FAF2: variants seen among roughly 807,000 people sequenced by gnomAD.
FAF2 encodes the protein Fas associated factor family member 2.
FAF2 carries 9 observed loss-of-function variants against 62.3 expected under a neutral mutation model. That is an observed-to-expected ratio of 0.14 (90% confidence interval 0.09 to 0.25). FAF2 has a LOEUF of 0.25. FAF2 is among the 10% of genes least tolerant of loss of function. The pLI is 1.00. For missense variants in FAF2, 368 were observed against 556.2 expected, an observed-to-expected ratio of 0.66 and a Z score of 3.40; for synonymous variants, 202 against 198.0, an observed-to-expected ratio of 1.02 and a Z score of -0.17.
chr5:176,500,271 G>A, intron 10 of FAF2, 125 bp downstream of exon 10: 2 of 943,450 alleles, frequency 2.1e-6, no homozygotes, highest in Non-Finnish European at 3.2e-6. Context: ...CAGAGAGAGA[G>A]AGAGAGAGAT....
chr5:176,482,234 T>C (rs1423686798), intron 2 of FAF2, among the ~76,000 whole-genome samples: 2 of 151,944 alleles, frequency 1.3e-5, no homozygotes, highest in African/African-American at 2.4e-5. Flanking sequence ...TTTTTTTTTT[T>C]TGAGATGAAG....
intron 10 of FAF2, among the ~76,000 whole-genome samples, chr5:176,504,455 G>A (rs191663651): frequency 1.5e-4 from 23 of 152,140 alleles, no homozygotes; most frequent in South Asian, 8.3e-4. Context: ...ATGGTGGTGC[G>A]CGCCTGTAGT....
chr5:176,492,007 A>C (rs1388862706), intron 4 of FAF2, among the ~76,000 whole-genome samples, 187 bp from the exon 5 acceptor site: 1 of 152,228 alleles, frequency 6.6e-6, no homozygotes, highest in Non-Finnish European at 1.5e-5. Context: ...AGGCAATAGA[A>C]TAACACTTGC....
chr5:176,503,035 G>A (rs924056226), intron 10 of FAF2, among the ~76,000 whole-genome samples: 3 of 151,476 alleles, frequency 2.0e-5, no homozygotes, highest in South Asian at 2.1e-4. Flanking sequence ...GCGACAGAGC[G>A]AGGCTGTGTC....
At chr5:176,460,813 A>T (rs1335279547) in intron 1 of FAF2, among the ~76,000 whole-genome samples, 5 of 151,934 alleles carry the variant, frequency 3.3e-5, no homozygotes, top group African/African-American at 1.2e-4. Context: ...TTCACCAGGC[A>T]TGGCGGTGTA....
intron 2 of FAF2, among the ~76,000 whole-genome samples, chr5:176,485,976 CACTGCATA>C (rs1225302144): frequency 6.6e-6 from 1 of 152,236 alleles, no homozygotes; most frequent in Non-Finnish European, 1.5e-5. Flanking sequence ...AGGACTGCTT[CACTGCATA>C]ACTCCAGGGG....
At chr5:176,491,559 A>G (rs942143285) in intron 4 of FAF2, among the ~76,000 whole-genome samples, 3 of 152,170 alleles carry the variant, frequency 2.0e-5, no homozygotes, top group Non-Finnish European at 4.4e-5. Flanking sequence ...TGTGAACTCA[A>G]TATTTAAAAT....
At position 176,508,655 on chromosome 5, in the gene FAF2, C is replaced by T. The variant is rs1428555503; in HGVS notation, c.*1705C>T. The T allele has an allele frequency of 6.6e-6, 1 of 152,198 alleles. No individual in the cohort carries two copies. Among genetic ancestry groups the T allele is most frequent in the Non-Finnish European group, 1.5e-5 (1 of 68,044 alleles). 9.4% of individuals were successfully genotyped at this position (152,198 alleles called of 1,614,324 possible). ...TCTCTAGGAAAATTTAATTCTGTCCCTGGCCAGCTATTGTTCTTCCACTTC... is the reference window on the plus strand; with the variant it reads ...TCTCTAGGAAAATTTAATTCTGTCCTTGGCCAGCTATTGTTCTTCCACTTC... On this transcript the variant is annotated 3_prime_UTR_variant, in exon 11 of 11. Coordinates refer to ENST00000261942, the MANE Select transcript of FAF2 (RefSeq NM_014613.3).
At chr5:176,480,390 T>C (rs1758767859) in intron 2 of FAF2, among the ~76,000 whole-genome samples, 1 of 152,072 alleles carries the variant, frequency 6.6e-6, no homozygotes, top group South Asian at 2.1e-4. Context: ...GGCATTATAT[T>C]AGTGAACAAA....
chr5:176,505,747 A>G (rs1195017615), intron 10 of FAF2, among the ~76,000 whole-genome samples: 1 of 152,210 alleles, frequency 6.6e-6, no homozygotes, highest in Non-Finnish European at 1.5e-5. Flanking sequence ...TTCGCTTAGA[A>G]TAATAGTCTC....
chr5:176,455,492 G>A (rs1001353736), intron 1 of FAF2, among the ~76,000 whole-genome samples: 3 of 151,682 alleles, frequency 2.0e-5, no homozygotes, highest in Admixed American at 6.6e-5. Context: ...GTGCACGCCT[G>A]TAATCCCAGC....
chr5:176,478,430 C>T (rs2913899), intron 1 of FAF2, among the ~76,000 whole-genome samples: 17,870 of 152,026 alleles, frequency 0.12, 1,326 homozygotes, highest in East Asian at 0.27. Flanking sequence ...AGTGAGCAGT[C>T]ATTGCGCTAT....
intron 4 of FAF2, among the ~76,000 whole-genome samples, chr5:176,490,944 G>A (rs1758962380): frequency 6.6e-6 from 1 of 152,214 alleles, no homozygotes; most frequent in Non-Finnish European, 1.5e-5. Flanking sequence ...ATTCCCCCAC[G>A]TATACAACTT....
At chr5:176,480,209 C>T (rs1758765350) in intron 2 of FAF2, among the ~76,000 whole-genome samples, 1 of 151,968 alleles carries the variant, frequency 6.6e-6, no homozygotes, top group African/African-American at 2.4e-5. Context: ...TTTGTCAAAA[C>T]ACCCTCTTGA....
Position 176,451,820 on chromosome 5 carries a change from A to C in FAF2, c.63+3350A>C. On this transcript the variant is annotated intron_variant, in intron 1 of 10. Transcript: ENST00000261942. ...TATACATATATATATACACACATAT[A>C]TATATATACATATATATATATACAC... Among the ~76,000 whole-genome samples the C allele has an allele frequency of 4.7e-5, 2 of 42,156 alleles. 1 individual carries two copies. The highest frequency in any genetic ancestry group is 1.9e-4 in the African/African-American group (2 of 10,762). 27.7% of individuals were successfully genotyped at this position (42,156 alleles called of 152,430 possible). A position where few individuals can be genotyped will look rare whatever the true frequency, so the allele number is the denominator to read the frequency against.
intron 4 of FAF2, among the ~76,000 whole-genome samples, chr5:176,489,932 C>T (rs551269567): frequency 2.0e-5 from 3 of 152,288 alleles, no homozygotes; most frequent in African/African-American, 7.2e-5. Flanking sequence ...TTGCTTCATA[C>T]CTTCACCTTT....
At chr5:176,474,430 T>C (rs1758624859) in intron 1 of FAF2, among the ~76,000 whole-genome samples, 1 of 151,118 alleles carries the variant, frequency 6.6e-6, no homozygotes, top group African/African-American at 2.5e-5. Flanking sequence ...AGACTTCATT[T>C]CCAAAGTTTC....
chr5:176,468,525 A>G (rs1758510006), intron 1 of FAF2, among the ~76,000 whole-genome samples: 1 of 152,184 alleles, frequency 6.6e-6, no homozygotes, highest in African/African-American at 2.4e-5. Flanking sequence ...CGCAGCTTGC[A>G]GTGAGCCGAG....
At chr5:176,462,075 G>A (rs1758388451) in intron 1 of FAF2, among the ~76,000 whole-genome samples, 1 of 152,094 alleles carries the variant, frequency 6.6e-6, no homozygotes, top group Non-Finnish European at 1.5e-5. Flanking sequence ...TCAGGAATTC[G>A]AGACCAGCCT....
Sources: allele counts gnomAD v4.1 joint callset (sites outside exome capture counted in the v4.1 genomes callset), GRCh38; gene constraint gnomAD v4.1.1; transcripts MANE v1.5; gene names NCBI Gene and HGNC (gene_info 2026-07-23, HGNC 2026-07-21).